BAZ2B: variants seen among roughly 807,000 people sequenced by gnomAD.
The protein encoded by BAZ2B is bromodomain adjacent to zinc finger domain 2B, also known as bromodomain adjacent to zinc finger domain protein 2B.
In BAZ2B, 91 loss-of-function variants were observed where a neutral mutation model predicts 246.0. The observed-to-expected ratio is 0.37, with a 90% CI of 0.31 to 0.44. The LOEUF (loss-of-function observed/expected upper bound fraction) is 0.44. Among genes scored for constraint, BAZ2B ranks in the 20% least tolerant of loss-of-function variants. The probability of loss-of-function intolerance (pLI) is 1.00; values close to 1 mark genes in which losing one functional copy is unlikely to be tolerated. For synonymous variants in BAZ2B, 855 were observed against 860.0 expected, an observed-to-expected ratio of 0.99 and a Z score of 0.10; for missense variants, 2,332 against 2,533.7, an observed-to-expected ratio of 0.92 and a Z score of 1.71.
At chr2:159,693,793 TC>T in the BAZ2B span, 1 of 151,846 alleles carries the variant, frequency 6.6e-6, no homozygotes, top group Non-Finnish European at 1.5e-5. Context: ...AGCCTTAAAC[TC>T]CTGGTCTCAA....
chr2:159,641,931 T>G, the BAZ2B span, among the ~76,000 whole-genome samples: 1 of 152,204 alleles, frequency 6.6e-6, no homozygotes, highest in African/African-American at 2.4e-5. Context: ...TAGGTACATA[T>G]TCCCTCTAAT....
intron 1 of BAZ2B, among the ~76,000 whole-genome samples, chr2:159,594,593 A>G (rs1690191562): frequency 6.6e-6 from 1 of 152,022 alleles, no homozygotes; most frequent in Admixed American, 6.6e-5. Flanking sequence ...TGAAACAGAT[A>G]AATTCTCATG....
chr2:159,597,995 CTT>C (rs10569900), intron 1 of BAZ2B, among the ~76,000 whole-genome samples: 75,254 of 148,034 alleles, frequency 0.51, 19,221 homozygotes, highest in East Asian at 0.74. Context: ...TAGACGTATT[CTT>C]TTTTTTTTTT....
intron 26 of BAZ2B, among the ~76,000 whole-genome samples, chr2:159,374,305 G>A (rs189329070): frequency 6.6e-4 from 101 of 152,164 alleles, no homozygotes; most frequent in African/African-American, 2.3e-3. Context: ...AACCTAAGAT[G>A]CTGAAACTGT....
In BAZ2B at chr2:159,478,665, A is replaced by C; in HGVS notation, c.55T>G (p.Ser19Ala). ...SSAASSTTPT[S>A]SSTPSVASVV... Reference sequence around the variant, plus strand: ...GAAGCCACAGAAGGTGTCGAAGATGAAGTTGGTGTAGTAGAGGAGGCTGCT... The same window carrying C: ...GAAGCCACAGAAGGTGTCGAAGATGCAGTTGGTGTAGTAGAGGAGGCTGCT... Residue 19 changes from serine to alanine, a missense_variant, in exon 3 of 37, where the codon TCA becomes GCA. Physicochemically the swap from Ser to Ala is moderately conservative, Grantham distance 99 (BLOSUM62 1). Transcript: ENST00000392783. 6.2e-7 allele frequency: 1 copy of C among 1,610,750 alleles called. No homozygotes were observed. Among genetic ancestry groups the C allele is most frequent in the Non-Finnish European group, 8.5e-7 (1 of 1,178,104 alleles).
the BAZ2B span, among the ~76,000 whole-genome samples, chr2:159,663,510 A>G: frequency 8.0e-6 from 1 of 125,084 alleles, no homozygotes; most frequent in East Asian, 2.2e-4. Context: ...GCCTGTTGCT[A>G]ATGTTTTTTT....
chr2:159,376,640 C>G (rs1014323691), intron 25 of BAZ2B, among the ~76,000 whole-genome samples: 4 of 152,114 alleles, frequency 2.6e-5, no homozygotes, highest in African/African-American at 9.7e-5. Context: ...TTCTGATCAG[C>G]AGGACAAATG....
At chr2:159,465,754 T>A (rs1282765850) in intron 3 of BAZ2B, among the ~76,000 whole-genome samples, 1 of 152,042 alleles carries the variant, frequency 6.6e-6, no homozygotes, top group African/African-American at 2.4e-5. Flanking sequence ...AAACCCTGTC[T>A]CTACCAAAAA....
chr2:159,414,185 C>T (rs1395542446), intron 13 of BAZ2B, among the ~76,000 whole-genome samples: 1 of 152,150 alleles, frequency 6.6e-6, no homozygotes, highest in African/African-American at 2.4e-5. Context: ...TTTGCATGTT[C>T]TCACTTATTT....
At chr2:159,535,981 A>C (rs2085933239) in intron 2 of BAZ2B, among the ~76,000 whole-genome samples, 1 of 152,220 alleles carries the variant, frequency 6.6e-6, no homozygotes, top group South Asian at 2.1e-4. Context: ...TTATTTTTAA[A>C]TGGCACATTA....
chr2:159,350,476 C>T (rs2058432399), intron 27 of BAZ2B, 119 bp from the exon 28 acceptor site: 5 of 896,062 alleles, frequency 5.6e-6, no homozygotes, highest in Non-Finnish European at 7.9e-6. Flanking sequence ...TCTGTATTAC[C>T]TAATACTCCC....
At chr2:159,337,998 TA>T (rs1434037385) in intron 31 of BAZ2B, among the ~76,000 whole-genome samples, 1 of 152,212 alleles carries the variant, frequency 6.6e-6, no homozygotes, top group Non-Finnish European at 1.5e-5. Context: ...TTTGATATTA[TA>T]AAAGGTATAA....
intron 24 of BAZ2B, 150 bp from the exon 25 acceptor site, chr2:159,382,952 A>G: frequency 9.1e-7 from 1 of 1,096,692 alleles, no homozygotes; most frequent in Non-Finnish European, 1.2e-6. Flanking sequence ...TAGAATTAGG[A>G]AACTTAAGAA....
chr2:159,580,464 C>G (rs999747134), intron 1 of BAZ2B, among the ~76,000 whole-genome samples: 17 of 152,106 alleles, frequency 1.1e-4, no homozygotes, highest in Non-Finnish European at 2.2e-4. Flanking sequence ...TAGGAAGAAC[C>G]AATATCGTGA....
intron 27 of BAZ2B, among the ~76,000 whole-genome samples, chr2:159,365,306 C>T (rs2060108648): frequency 6.6e-6 from 1 of 152,126 alleles, no homozygotes; most frequent in Non-Finnish European, 1.5e-5. Flanking sequence ...ACAATGACTT[C>T]TATAAGATTG....
rs1448861982 is a variant in BAZ2B at position 159,386,431 on chromosome 2, G to A, written c.3393C>T (p.Ser1131=). The part of the protein sequence containing the change: ...LQEGLLNIGD[S]MGEVQDLLVR... ...CAAGCAAGTCTTGTACTTCACCCAT[G>A]CTGTCCCCTATATTTAGCAATCCCT... The change falls in exon 22 of 37, where the codon AGC becomes AGT. Residue 1131 remains serine (S), a synonymous_variant. Transcript: ENST00000392783. 1 of 1,613,440 alleles carries A rather than the reference G, an allele frequency of 6.2e-7. No individual in the cohort carries two copies. Among genetic ancestry groups the A allele is most frequent in the East Asian group, 2.2e-5 (1 of 44,848 alleles).
the BAZ2B span, among the ~76,000 whole-genome samples, chr2:159,639,267 C>T: frequency 6.6e-6 from 1 of 152,146 alleles, no homozygotes; most frequent in African/African-American, 2.4e-5. Flanking sequence ...AAGACCAGAC[C>T]TGTCCTACAA....
chr2:159,691,334 A>G, the BAZ2B span, among the ~76,000 whole-genome samples: 9 of 152,188 alleles, frequency 5.9e-5, no homozygotes, highest in Non-Finnish European at 1.2e-4. Flanking sequence ...ACTCCCCAAA[A>G]ACTTAACTAA....
chr2:159,347,972 AC>A (rs879269974), intron 30 of BAZ2B, among the ~76,000 whole-genome samples: 6 of 152,000 alleles, frequency 3.9e-5, no homozygotes, highest in Non-Finnish European at 8.8e-5. Flanking sequence ...TGGTTCTAGG[AC>A]CCCCTCTGCC....
Sources: gnomAD v4.1 joint callset for allele counts (sites outside exome capture counted in the v4.1 genomes callset) on GRCh38, gnomAD v4.1.1 for gene constraint, MANE v1.5 for transcripts, NCBI Gene and HGNC (gene_info 2026-07-23, HGNC 2026-07-21) for gene names.